Variants in DST observed in about 807,000 individuals in gnomAD.
DST encodes the protein dystonin.
Under a neutral mutation model 875.2 loss-of-function variants are expected in DST, and 253 were observed. The ratio of observed to expected loss-of-function variants is 0.29; its 90% CI spans 0.26 to 0.32. The LOEUF (loss-of-function observed/expected upper bound fraction) is 0.32. Among genes scored for constraint, DST ranks in the 10% least tolerant of loss-of-function variants. The probability of loss-of-function intolerance (pLI) is 1.00; values close to 1 mark genes in which losing one functional copy is unlikely to be tolerated. For synonymous variants in DST, 3,124 were observed against 3,197.1 expected (o/e 0.98, Z 0.77); for missense variants, 8,287 against 9,111.6 (o/e 0.91, Z 3.68).
At chr6:56,598,818 G>T in intron 45 of DST, 109 bp from the exon 46 acceptor site, 2 of 504,162 alleles carry the variant, frequency 4.0e-6, no homozygotes, top group Non-Finnish European at 3.3e-6. Context: ...TCTAGTATAT[G>T]TAGCTTGAAT....
At chr6:56,937,458 A>C (rs1389304041) in intron 2 of DST, among the ~76,000 whole-genome samples, 1 of 152,206 alleles carries the variant, frequency 6.6e-6, no homozygotes. Flanking sequence ...CAAACCTCGG[A>C]GCTATCACTA....
intron 4 of DST, among the ~76,000 whole-genome samples, chr6:56,735,574 T>G (rs1258771191): frequency 1.8e-5 from 2 of 108,516 alleles, no homozygotes; most frequent in Admixed American, 1.6e-4. Context: ...ACCACCACCA[T>G]GAAGTTGTCT....
chr6:56,509,544 T>A, intron 74 of DST, 98 bp downstream of exon 74: 1 of 898,574 alleles, frequency 1.1e-6, no homozygotes, highest in Non-Finnish European at 1.7e-6. Flanking sequence ...TAGTATCTTT[T>A]TTAAGATGCG....
chr6:56,527,175 T>A (rs943880842), intron 68 of DST, among the ~76,000 whole-genome samples: 5 of 152,214 alleles, frequency 3.3e-5, no homozygotes, highest in African/African-American at 1.2e-4. Flanking sequence ...GAAATATTGG[T>A]ATTCCAACCA....
chr6:56,604,560 C>T lies in DST; in HGVS notation c.10068G>A (p.Lys3356=). The T allele has an allele frequency of 3.7e-6, 6 of 1,612,024 alleles. No individual in the cohort carries two copies. Among genetic ancestry groups the T allele is most frequent in the Non-Finnish European group, 5.1e-6 (6 of 1,178,970 alleles). ...CTTTCAACCTGCTTTTTAAGATATCCTTTACATCCTCCACAAATACCTGAG... is the reference window on the plus strand; with the variant it reads ...CTTTCAACCTGCTTTTTAAGATATCTTTTACATCCTCCACAAATACCTGAG... ...ELSQVFVEDV[K]DILKSRLKEG... Residue 3356 remains lysine (K), a synonymous_variant, in exon 40 of 104, where the codon AAG becomes AAA. Coordinates refer to ENST00000680361, the MANE Select transcript of DST (RefSeq NM_001374736.1).
rs80241715 is a variant in DST at position 56,645,901 on chromosome 6, T to A, written c.1743A>T (p.Leu581=). ...KEWGKLIIAM[L]EREKALRPEV... is the part of the protein sequence containing the mutation. ...CTGGACGAAGGGCCTTCTCTCTCTCTAGCATGGCAATAATGAGTTTCCCCC... is the reference window on the plus strand; with the variant it reads ...CTGGACGAAGGGCCTTCTCTCTCTCAAGCATGGCAATAATGAGTTTCCCCC... Residue 581 remains leucine (L), a synonymous_variant, in exon 15 of 104, where the codon CTA becomes CTT. Coordinates refer to ENST00000680361, the MANE Select transcript of DST (RefSeq NM_001374736.1). 1 of 1,613,858 alleles carries A rather than the reference T, an allele frequency of 6.2e-7. No individual in the cohort carries two copies. Among genetic ancestry groups the A allele is most frequent in the Non-Finnish European group, 8.5e-7 (1 of 1,179,780 alleles).
chr6:56,813,205 A>C (rs1217770906), intron 4 of DST, among the ~76,000 whole-genome samples: 1 of 127,328 alleles, frequency 7.9e-6, no homozygotes, highest in Non-Finnish European at 1.6e-5. Flanking sequence ...GGACACAGGA[A>C]GGGGAACATC....
intron 90 of DST, among the ~76,000 whole-genome samples, chr6:56,478,588 G>GA (rs1202748133): frequency 6.6e-6 from 1 of 152,178 alleles, no homozygotes; most frequent in African/African-American, 2.4e-5. Context: ...ATAGAACTCT[G>GA]AAAATGTGAT....
At chr6:56,909,413 C>T (rs939408921) in intron 2 of DST, among the ~76,000 whole-genome samples, 2 of 152,320 alleles carry the variant, frequency 1.3e-5, no homozygotes, top group East Asian at 1.9e-4. Flanking sequence ...CCATGCTCTT[C>T]TCCTCTTTTG....
intron 44 of DST, among the ~76,000 whole-genome samples, chr6:56,600,529 C>T (rs936336849): frequency 1.3e-5 from 2 of 151,972 alleles, no homozygotes; most frequent in Non-Finnish European, 2.9e-5. Context: ...GCTGTTGAAA[C>T]CTGCGACACA....
rs114530917 is a variant in DST at position 56,521,037 on chromosome 6, T to C, written c.18130-3417A>G. Among the ~76,000 whole-genome samples the C allele has an allele frequency of 2.4e-3, 365 of 152,284 alleles. 1 individual carries two copies. Among genetic ancestry groups the C allele is most frequent in the African/African-American group, 8.7e-3 (361 of 41,574 alleles). On this transcript the variant is annotated intron_variant, in intron 69 of 103. Transcript: ENST00000680361. ...TGGTTCAATAATTTCTGTGATATTA[T>C]TTAATTTCAAATGAAGTTATTCATG... is the stretch of plus-strand genomic sequence containing the variant.
chr6:56,777,708 A>AT (rs879801482), intron 4 of DST, among the ~76,000 whole-genome samples: 217 of 146,458 alleles, frequency 1.5e-3, no homozygotes, highest in Admixed American at 2.9e-3. Flanking sequence ...CCCACATAGG[A>AT]TTTTTTTTTT....
chr6:56,910,104 C>T (rs978821306), intron 2 of DST, among the ~76,000 whole-genome samples: 3 of 152,036 alleles, frequency 2.0e-5, no homozygotes, highest in African/African-American at 7.2e-5. Flanking sequence ...AACATTGGTC[C>T]CTGGAGTTAT....
chr6:56,554,176 C>T (rs2097366879), intron 60 of DST, among the ~76,000 whole-genome samples: 2 of 149,154 alleles, frequency 1.3e-5, no homozygotes, highest in African/African-American at 5.0e-5. Context: ...GCTCCTCCTC[C>T]TGGGTTCACA....
intron 99 of DST, 74 bp from the exon 100 acceptor site, chr6:56,464,830 T>C (rs2094503908): frequency 8.7e-7 from 1 of 1,152,946 alleles, no homozygotes; most frequent in South Asian, 1.3e-5. Flanking sequence ...AGTACAGTAG[T>C]TGAATATGCA....
At chr6:56,849,755 G>A (rs1382297182) in intron 4 of DST, among the ~76,000 whole-genome samples, 1 of 152,056 alleles carries the variant, frequency 6.6e-6, no homozygotes, top group African/African-American at 2.4e-5. Flanking sequence ...CTGTCTTTCT[G>A]TCATAACTCC....
At position 56,526,418 on chromosome 6, in the gene DST, G is replaced by A. The variant is rs747333827; in HGVS notation, c.18072C>T (p.Ser6024=). ...AEDNERYRLV[S]DTITQKVEEI... ...CCTCCACCTTCTGAGTGATGGTGTC[G>A]CTCACTAATCGGTAGCGCTCATTGT... The change falls in exon 69 of 104, where the codon AGC becomes AGT. Residue 6024 remains serine (S), a synonymous_variant. Transcript: ENST00000680361. 16 of 1,613,612 alleles carry A rather than the reference G, an allele frequency of 9.9e-6. No individual in the cohort carries two copies. The highest frequency in any genetic ancestry group is 1.3e-5 in the African/African-American group (1 of 74,878).
At chr6:56,615,433 T>A in intron 36 of DST, 1 of 1,599,020 alleles carries the variant, frequency 6.3e-7, no homozygotes, top group Non-Finnish European at 8.5e-7. Flanking sequence ...ACAGACTGCA[T>A]ATGTAGCCGA....
chr6:56,933,286 C>T lies in DST; in HGVS notation c.216+20499G>A, dbSNP rs183116112. 2.0e-3 allele frequency among the ~76,000 whole-genome samples: 311 copies of T among 152,318 alleles called. 8 individuals are homozygous for T. The highest frequency in any genetic ancestry group is 8.2e-4 in the Non-Finnish European group (56 of 68,032). The stretch of plus-strand genomic sequence containing the variant: ...TTCAAGATATCCCACCCTTTGTAGG[C>T]CAAACCAATGTGTAACCTCTGCATA... On this transcript the variant is annotated intron_variant, in intron 2 of 103. Coordinates refer to ENST00000680361, the MANE Select transcript of DST (RefSeq NM_001374736.1).
Sources: allele counts gnomAD v4.1 joint callset (sites outside exome capture counted in the v4.1 genomes callset), GRCh38; gene constraint gnomAD v4.1.1; transcripts MANE v1.5; gene names NCBI Gene and HGNC (gene_info 2026-07-23, HGNC 2026-07-21).